The following ADCY8 variants were observed in gnomAD, a reference collection of about 807,000 sequenced individuals.
ADCY8 encodes the protein adenylate cyclase 8.
In ADCY8, 51 loss-of-function variants were observed where a neutral mutation model predicts 119.7. That is an observed-to-expected ratio of 0.43 (90% CI 0.34 to 0.54). The LOEUF is 0.54. ADCY8 is among the 20% of genes least tolerant of loss of function. The pLI is 0.03. For synonymous variants in ADCY8, 665 were observed against 651.0 expected (o/e 1.02, Z -0.33); for missense variants, 1,383 against 1,598.8 (o/e 0.87, Z 2.30).
intron 1 of ADCY8, among the ~76,000 whole-genome samples, chr8:131,001,344 A>G (rs1822940393): frequency 1.3e-5 from 2 of 152,004 alleles, no homozygotes; most frequent in African/African-American, 4.8e-5. Flanking sequence ...ACGCCTTTGC[A>G]CCTGCCAGAT....
At chr8:130,862,903 C>A (rs1281224420) in intron 9 of ADCY8, among the ~76,000 whole-genome samples, 1 of 152,068 alleles carries the variant, frequency 6.6e-6, no homozygotes, top group East Asian at 1.9e-4. Flanking sequence ...TGTATTATGG[C>A]CCAGAATGGG....
chr8:130,948,838 T>C (rs1821186202), intron 3 of ADCY8, among the ~76,000 whole-genome samples: 1 of 152,032 alleles, frequency 6.6e-6, no homozygotes, highest in Non-Finnish European at 1.5e-5. Flanking sequence ...ACCGTCCTCC[T>C]CTGCTTTCAA....
intron 5 of ADCY8, among the ~76,000 whole-genome samples, chr8:130,935,207 C>T (rs539612390): frequency 1.2e-4 from 19 of 152,242 alleles, no homozygotes; most frequent in Non-Finnish European, 2.5e-4. Context: ...CAGCTGTCTT[C>T]GAAGAGGCTT....
At position 130,815,991 on chromosome 8, in the gene ADCY8, T is replaced by C. The variant is rs147381603; in HGVS notation, c.2755-1764A>G. On this transcript the variant is annotated intron_variant, in intron 13 of 17. Coordinates refer to ENST00000286355, the MANE Select transcript of ADCY8 (RefSeq NM_001115.3). Reference sequence around the variant, plus strand: ...CCCGTTTTTACTGCAGTTCTGCGTATGTCATTATTTCAGTCTTTAACTGTT... The same window carrying C: ...CCCGTTTTTACTGCAGTTCTGCGTACGTCATTATTTCAGTCTTTAACTGTT... 1.8e-3 allele frequency among the ~76,000 whole-genome samples: 268 copies of C among 152,356 alleles called. 1 individual carries two copies. Among genetic ancestry groups the C allele is most frequent in the African/African-American group, 5.9e-3 (246 of 41,586 alleles).
In ADCY8 at chr8:131,040,532, T is replaced by C; in HGVS notation, c.-199A>G. 1.9e-6 allele frequency: 1 copy of C among 516,970 alleles called. No individual in the cohort carries two copies. The highest frequency in any genetic ancestry group is 3.0e-6 in the Non-Finnish European group (1 of 333,218). The allele number at this position is 516,970 out of a possible 1,614,324, so 32.0% of individuals were successfully genotyped here. On this transcript the variant is annotated 5_prime_UTR_variant, in exon 1 of 18. Coordinates refer to ENST00000286355, the MANE Select transcript of ADCY8 (RefSeq NM_001115.3). ...CCAGGGGCAAAGGGCACCTGGAAGA[T>C]CGCGGCGGACCTCGGCGTCCTTGCG... is the stretch of plus-strand genomic sequence containing the variant.
At chr8:130,899,643 GCTC>G (rs1429116594) in intron 7 of ADCY8, among the ~76,000 whole-genome samples, 4 of 151,658 alleles carry the variant, frequency 2.6e-5, no homozygotes, top group Non-Finnish European at 5.9e-5. Flanking sequence ...AGAAACATAA[GCTC>G]CTGGAGGACA....
At chr8:130,897,884 A>G (rs540457255) in intron 7 of ADCY8, among the ~76,000 whole-genome samples, 133 of 151,338 alleles carry the variant, frequency 8.8e-4, no homozygotes, top group African/African-American at 3.1e-3. Context: ...TACACCACAT[A>G]CATACCGTAC....
At chr8:130,931,101 A>G (rs1025211262) in intron 5 of ADCY8, among the ~76,000 whole-genome samples, 7 of 152,154 alleles carry the variant, frequency 4.6e-5, no homozygotes, top group Admixed American at 4.6e-4. Context: ...AACTTCCTTT[A>G]GCGTTTCTTA....
At chr8:130,995,726 G>A (rs1000443477) in intron 1 of ADCY8, among the ~76,000 whole-genome samples, 23 of 151,754 alleles carry the variant, frequency 1.5e-4, no homozygotes, top group East Asian at 5.8e-4. Context: ...TAGTTTTCTC[G>A]GATAGACACT....
At position 130,849,616 on chromosome 8, in the gene ADCY8, C is replaced by A. The variant is rs1276572426; in HGVS notation, c.2398G>T (p.Ala800Ser). ...GGGATGCTTACGATATTTAAGATGG[C>A]ACCCAGGAAATTAATCAAAATGGAT... ...FASILINFLG[A>S]ILNILWCDFD... The change falls in exon 10 of 18, where the codon GCC (alanine) becomes TCC (serine). Residue 800 changes from alanine to serine, a missense_variant. Ala to Ser is a moderately conservative substitution (Grantham distance 99). Around this residue, in one of 2 missense-constraint regions of ADCY8, gnomAD observed 928 missense variants for 1,163.5 expected, o/e 0.80. Transcript: ENST00000286355. The A allele has an allele frequency of 3.1e-6, 5 of 1,613,920 alleles. No homozygotes were observed. The highest frequency in any genetic ancestry group is 2.7e-5 in the African/African-American group (2 of 75,002).
chr8:130,841,329 C>T (rs1220447136), intron 11 of ADCY8, among the ~76,000 whole-genome samples: 1 of 152,142 alleles, frequency 6.6e-6, no homozygotes, highest in African/African-American at 2.4e-5. Flanking sequence ...TTTTCTTCTT[C>T]TGAATATACA....
intron 8 of ADCY8, among the ~76,000 whole-genome samples, chr8:130,883,662 C>G (rs897224019): frequency 6.6e-6 from 1 of 152,102 alleles, no homozygotes; most frequent in African/African-American, 2.4e-5. Context: ...TGTAGATTCC[C>G]TGCTGTTCCT....
intron 2 of ADCY8, among the ~76,000 whole-genome samples, chr8:130,982,215 C>T (rs535895995): frequency 3.3e-5 from 5 of 152,298 alleles, no homozygotes; most frequent in South Asian, 4.2e-4. Context: ...AGGCCATTAA[C>T]GCTGGTACTG....
chr8:130,916,040 C>T (rs958378541), intron 5 of ADCY8, among the ~76,000 whole-genome samples: 1 of 152,160 alleles, frequency 6.6e-6, no homozygotes, highest in Admixed American at 6.5e-5. Context: ...ATCTTCATAA[C>T]AAACCTGGGT....
At chr8:130,870,404 T>A (rs968675728) in intron 8 of ADCY8, among the ~76,000 whole-genome samples, 2 of 152,180 alleles carry the variant, frequency 1.3e-5, no homozygotes, top group African/African-American at 2.4e-5. Context: ...GGAGCTGTAA[T>A]TGACCATTGC....
intron 2 of ADCY8, among the ~76,000 whole-genome samples, chr8:130,960,271 T>C (rs1821559428): frequency 6.6e-6 from 1 of 152,258 alleles, no homozygotes; most frequent in South Asian, 2.1e-4. Context: ...TAGGCAGGTA[T>C]TAATATTTAC....
At chr8:130,969,907 T>G (rs1821872061) in intron 2 of ADCY8, among the ~76,000 whole-genome samples, 1 of 152,234 alleles carries the variant, frequency 6.6e-6, no homozygotes, top group South Asian at 2.1e-4. Context: ...GGTCATTATC[T>G]CTGAGCTTTA....
chr8:130,994,529 T>C (rs1239726171), intron 1 of ADCY8, among the ~76,000 whole-genome samples: 1 of 152,218 alleles, frequency 6.6e-6, no homozygotes, highest in African/African-American at 2.4e-5. Context: ...TGTATAAGTT[T>C]ATTTTGGTGC....
chr8:130,813,286 G>C (rs576685857), intron 14 of ADCY8, among the ~76,000 whole-genome samples: 2 of 152,284 alleles, frequency 1.3e-5, no homozygotes, highest in South Asian at 2.1e-4. Flanking sequence ...GTGGCATTAA[G>C]TATAGTCACA....
Sources: gnomAD v4.1 joint callset for allele counts (sites outside exome capture counted in the v4.1 genomes callset) on GRCh38, gnomAD v4.1.1 for gene constraint, gnomAD v4.1.1 regional missense constraint, MANE v1.5 for transcripts, NCBI Gene and HGNC (gene_info 2026-07-23, HGNC 2026-07-21) for gene names.